The following SEMA3A variants were observed in gnomAD, a reference collection of about 807,000 sequenced individuals.
The protein encoded by SEMA3A is semaphorin-3A.
SEMA3A carries 29 observed loss-of-function variants against 97.9 expected under a neutral mutation model. The ratio of observed to expected loss-of-function variants is 0.30; its 90% CI spans 0.22 to 0.40. SEMA3A has a LOEUF of 0.40. Among genes scored for constraint, SEMA3A ranks in the 10% least tolerant of loss-of-function variants. The pLI, the probability that SEMA3A is intolerant of heterozygous loss-of-function variation, is 1.00. For missense variants in SEMA3A, 763 were observed against 951.3 expected, an observed-to-expected ratio of 0.80 and a Z score of 2.60; for synonymous variants, 321 against 323.7, an observed-to-expected ratio of 0.99 and a Z score of 0.09.
intron 1 of SEMA3A, among the ~76,000 whole-genome samples, chr7:84,425,116 A>C (rs1804761309): frequency 9.1e-6 from 1 of 109,542 alleles, no homozygotes; most frequent in Non-Finnish European, 1.7e-5. Flanking sequence ...ATATATATTT[A>C]TATAAATTAT....
intron 1 of SEMA3A, among the ~76,000 whole-genome samples, chr7:84,389,587 G>T (rs1803487947): frequency 1.3e-5 from 2 of 151,984 alleles, no homozygotes; most frequent in African/African-American, 4.8e-5. Context: ...TAAAAAACCT[G>T]TACAGAGATC....
intron 1 of SEMA3A, among the ~76,000 whole-genome samples, chr7:84,390,997 GC>G (rs1803555567): frequency 6.6e-6 from 1 of 152,132 alleles, no homozygotes; most frequent in South Asian, 2.1e-4. Context: ...GGCCCTCTCT[GC>G]CTGTAGCTTG....
intron 3 of SEMA3A, among the ~76,000 whole-genome samples, chr7:84,300,976 A>G (rs1801002869): frequency 6.6e-6 from 1 of 152,140 alleles, no homozygotes; most frequent in South Asian, 2.1e-4. Flanking sequence ...ATGTTCTCTG[A>G]CCATAGATTT....
intron 15 of SEMA3A, among the ~76,000 whole-genome samples, chr7:83,964,410 C>T (rs1728850277): frequency 6.6e-6 from 1 of 152,176 alleles, no homozygotes; most frequent in African/African-American, 2.4e-5. Flanking sequence ...AATGTTTTCC[C>T]CTTTTTTGTC....
intron 3 of SEMA3A, among the ~76,000 whole-genome samples, chr7:84,251,655 T>C (rs1799613733): frequency 6.6e-6 from 1 of 152,198 alleles, no homozygotes; most frequent in Admixed American, 6.5e-5. Context: ...ATAAAACTTA[T>C]TATTATGTGA....
chr7:84,004,482 T>C (rs1392193281), intron 11 of SEMA3A, among the ~76,000 whole-genome samples: 1 of 152,128 alleles, frequency 6.6e-6, no homozygotes, highest in Non-Finnish European at 1.5e-5. Context: ...ATTGCTAACA[T>C]TTATTTACTA....
chr7:84,346,495 C>T (rs1366518332), intron 2 of SEMA3A, among the ~76,000 whole-genome samples: 1 of 152,112 alleles, frequency 6.6e-6, no homozygotes, highest in Admixed American at 6.6e-5. Context: ...TCCACTTGAA[C>T]ACTTAGAGGC....
chr7:84,297,231 C>T (rs891852639), intron 3 of SEMA3A, among the ~76,000 whole-genome samples: 2 of 152,160 alleles, frequency 1.3e-5, no homozygotes, highest in Non-Finnish European at 2.9e-5. Flanking sequence ...CCGGCCTTGG[C>T]CTCCCAAAGT....
chr7:84,282,428 C>T (rs1351511803), intron 3 of SEMA3A, among the ~76,000 whole-genome samples: 1 of 152,030 alleles, frequency 6.6e-6, no homozygotes, highest in African/African-American at 2.4e-5. Flanking sequence ...TTCTAAGCAT[C>T]CTCATATTTT....
intron 3 of SEMA3A, among the ~76,000 whole-genome samples, chr7:84,291,739 T>G (rs1800752824): frequency 6.6e-6 from 1 of 152,162 alleles, no homozygotes; most frequent in Admixed American, 6.6e-5. Flanking sequence ...AGGCTAACAT[T>G]ACTGACATCT....
At chr7:83,995,353 T>G (rs535747280) in intron 12 of SEMA3A, among the ~76,000 whole-genome samples, 1 of 152,230 alleles carries the variant, frequency 6.6e-6, no homozygotes, top group African/African-American at 2.4e-5. Flanking sequence ...CAATAAAAAT[T>G]ATTTCATATA....
At chr7:84,400,256 C>T (rs896293120) in intron 1 of SEMA3A, among the ~76,000 whole-genome samples, 4 of 152,018 alleles carry the variant, frequency 2.6e-5, no homozygotes, top group East Asian at 1.9e-4. Flanking sequence ...GCATCAAGGA[C>T]GTCCAGGAAG....
chr7:84,109,855 T>G (rs1173717205), intron 4 of SEMA3A, among the ~76,000 whole-genome samples: 1 of 152,200 alleles, frequency 6.6e-6, no homozygotes, highest in Non-Finnish European at 1.5e-5. Flanking sequence ...TTAGCAACCT[T>G]TTCTTTATCT....
rs71078831 is a variant in SEMA3A, at chr7:84,443,880, C to CTTTTT, written c.-246+48575_-246+48579dup. On this transcript the variant is annotated intron_variant, in intron 1 of 3. Transcript: ENST00000424555. ...GTAGCCATTTTGATTGTGCTTTGTC[C>CTTTTT]TTTTTTTTTTTTTTTTTTTTTTTTG... Among the ~76,000 whole-genome samples, 53 of 92,426 alleles carry CTTTTT rather than the reference C, an allele frequency of 5.7e-4. 1 individual carries two copies. The highest frequency in any genetic ancestry group is 6.2e-4 in the Non-Finnish European group (29 of 47,126). The allele number at this position is 92,426 out of a possible 152,430, so 60.6% of individuals were successfully genotyped here.
intron 1 of SEMA3A, among the ~76,000 whole-genome samples, chr7:84,389,260 T>C (rs1803479384): frequency 6.6e-6 from 1 of 152,082 alleles, no homozygotes; most frequent in Non-Finnish European, 1.5e-5. Context: ...ATCCCACTCA[T>C]GAAAAATTGC....
intron 1 of SEMA3A, among the ~76,000 whole-genome samples, chr7:84,183,767 G>C (rs549762249): frequency 3.3e-5 from 5 of 152,062 alleles, no homozygotes; most frequent in African/African-American, 9.7e-5. Context: ...TGGCACAATA[G>C]AGACATTCAG....
intron 6 of SEMA3A, among the ~76,000 whole-genome samples, chr7:84,017,603 A>ATC (rs1187174521): frequency 6.6e-6 from 1 of 152,134 alleles, no homozygotes; most frequent in Non-Finnish European, 1.5e-5. Flanking sequence ...ATTTTAGCTG[A>ATC]TCTCTTCCAA....
At chr7:84,253,070 G>T (rs1275385935) in intron 3 of SEMA3A, among the ~76,000 whole-genome samples, 1 of 151,846 alleles carries the variant, frequency 6.6e-6, no homozygotes, top group Non-Finnish European at 1.5e-5. Flanking sequence ...TAGAGACAGG[G>T]TTTCACCACG....
At chr7:84,100,640 GGAT>G (rs1794933483) in intron 4 of SEMA3A, among the ~76,000 whole-genome samples, 1 of 151,964 alleles carries the variant, frequency 6.6e-6, no homozygotes, top group South Asian at 2.1e-4. Flanking sequence ...GCCCTTTGAG[GGAT>G]GATATTTGTG....
Sources: gnomAD v4.1 joint callset for allele counts (sites outside exome capture counted in the v4.1 genomes callset) on GRCh38, gnomAD v4.1.1 for gene constraint, MANE v1.5 for transcripts, NCBI Gene and HGNC (gene_info 2026-07-23, HGNC 2026-07-21) for gene names.